The following PDCD4 variants were observed in gnomAD, a reference collection of about 807,000 sequenced individuals.
The protein encoded by PDCD4 is programmed cell death protein 4.
A neutral mutation model predicts 54.0 loss-of-function variants in PDCD4; 56 were observed. The ratio of observed to expected loss-of-function variants is 1.04; its 90% CI spans 0.84 to 1.30. The LOEUF (loss-of-function observed/expected upper bound fraction) is 1.30, where lower values mean the gene tolerates loss of function less well. PDCD4 is among the 50% of genes most tolerant of loss of function. The probability of loss-of-function intolerance (pLI) is 0.00; values close to 1 mark genes in which losing one functional copy is unlikely to be tolerated. For missense variants in PDCD4, 584 were observed against 559.8 expected, an observed-to-expected ratio of 1.04 and a Z score of -0.44; for synonymous variants, 186 against 194.8, an observed-to-expected ratio of 0.95 and a Z score of 0.37.
At chr10:110,874,717 T>C (rs1375110236) in intron 1 of PDCD4, among the ~76,000 whole-genome samples, 1 of 152,134 alleles carries the variant, frequency 6.6e-6, no homozygotes, top group African/African-American at 2.4e-5. Flanking sequence ...TAAGGTCCAT[T>C]TGTTTTTGTT....
Position 110,894,411 on chromosome 10 carries a change from G to A in PDCD4, c.1099-1G>A. 6.9e-7 allele frequency: 1 copy of A among 1,441,568 alleles called. No individual in the cohort carries two copies. The highest frequency in any genetic ancestry group is 9.7e-7 in the Non-Finnish European group (1 of 1,029,262). 89.3% of individuals were successfully genotyped at this position (1,441,568 alleles called of 1,614,324 possible). ...AATTCACTCATTGATTCAATTTTTA[G>A]GCTATTATAATGGTTTTAGAGTCAA... On this transcript the variant is annotated splice_acceptor_variant, in intron 9 of 11. Coordinates refer to ENST00000280154, the MANE Select transcript of PDCD4 (RefSeq NM_014456.5). LOFTEE classifies it high-confidence loss of function.
chr10:110,887,462 C>A (rs1845685352), intron 5 of PDCD4, among the ~76,000 whole-genome samples: 1 of 152,132 alleles, frequency 6.6e-6, no homozygotes, highest in South Asian at 2.1e-4. Context: ...TAAAGCTTGA[C>A]AAAGTGGATC....
chr10:110,884,657 T>A (rs940905830), intron 4 of PDCD4: 1 of 152,072 alleles, frequency 6.6e-6, no homozygotes, highest in Non-Finnish European at 1.5e-5. Flanking sequence ...GACATAAAAA[T>A]TTTGAGAGAA....
intron 1 of PDCD4, among the ~76,000 whole-genome samples, chr10:110,872,414 C>T (rs905354530): frequency 2.0e-5 from 3 of 152,124 alleles, no homozygotes; most frequent in Non-Finnish European, 2.9e-5. Context: ...GGCGTGTTTC[C>T]GGCTGGACTG....
intron 2 of PDCD4, among the ~76,000 whole-genome samples, chr10:110,878,143 G>C (rs147793899): frequency 1.3e-5 from 2 of 152,076 alleles, no homozygotes; most frequent in African/African-American, 2.4e-5. Context: ...TTTAATTTTG[G>C]TTTTCTTAAA....
intron 1 of PDCD4, chr10:110,872,305 T>TC (rs2135180511): frequency 6.6e-6 from 1 of 152,336 alleles, no homozygotes; most frequent in East Asian, 1.9e-4. Flanking sequence ...CGGAGCCATC[T>TC]CCCCACTGAG....
In PDCD4 at chr10:110,896,037, T is replaced by G; in HGVS notation, c.1299T>G (p.Cys433Trp). Residue 433 changes from cysteine (C) to tryptophan (W), a missense_variant, in exon 11 of 12, where the codon TGT (cysteine) becomes TGG (tryptophan). Physicochemically the swap from Cys to Trp is radical, Grantham distance 215 (BLOSUM62 -2). Transcript: ENST00000280154. Reference protein sequence around the residue: ...YSVLERFVEECFQAGIISKQL... With the variant: ...YSVLERFVEEWFQAGIISKQL... ...TGCTGGAGCGGTTTGTAGAAGAATG[T>G]TTTCAGGCTGGAATAATTTCCAAAC... 1 of 1,611,436 alleles carries G rather than the reference T, an allele frequency of 6.2e-7. No individual in the cohort carries two copies. The highest frequency in any genetic ancestry group is 8.5e-7 in the Non-Finnish European group (1 of 1,178,266).
chr10:110,878,284 C>T (rs1352153005), intron 2 of PDCD4, among the ~76,000 whole-genome samples: 1 of 152,180 alleles, frequency 6.6e-6, no homozygotes, highest in African/African-American at 2.4e-5. Context: ...AGAATGTTTA[C>T]TGCTGCAGAG....
chr10:110,893,056 G>GT (rs1845779244), intron 8 of PDCD4, among the ~76,000 whole-genome samples: 1 of 152,046 alleles, frequency 6.6e-6, no homozygotes, highest in African/African-American at 2.4e-5. Flanking sequence ...GCACTGGTGT[G>GT]TAGTAGGCTA....
At chr10:110,885,046 T>C in intron 4 of PDCD4, 1 of 377,816 alleles carries the variant, frequency 2.6e-6, no homozygotes, top group Non-Finnish European at 4.7e-6. Flanking sequence ...ACCTCCCGCC[T>C]TTGCCTCCCA....
intron 6 of PDCD4, 44 bp downstream of exon 6, chr10:110,887,930 A>G: frequency 7.8e-7 from 1 of 1,285,796 alleles, no homozygotes; most frequent in Non-Finnish European, 1.1e-6. Context: ...CCACTACTAT[A>G]TTCCTAATTG....
At chr10:110,876,166 A>C (rs1845501286) in intron 2 of PDCD4, 96 bp downstream of exon 2, 2 of 943,484 alleles carry the variant, frequency 2.1e-6, no homozygotes, top group Non-Finnish European at 3.1e-6. Flanking sequence ...ATCATGGCTC[A>C]CTGCAGTTTT....
intron 10 of PDCD4, 77 bp downstream of exon 10, chr10:110,894,599 C>T: frequency 1.5e-6 from 1 of 675,332 alleles, no homozygotes; most frequent in South Asian, 2.0e-5. Flanking sequence ...TATGAATTGT[C>T]AGTGAAATTT....
chr10:110,875,111 T>TG (rs1845481185), intron 1 of PDCD4, among the ~76,000 whole-genome samples: 1 of 152,170 alleles, frequency 6.6e-6, no homozygotes, highest in African/African-American at 2.4e-5. Flanking sequence ...TTGCACTTTC[T>TG]GGTAATATAT....
At chr10:110,887,925 A>G (rs774885060) in intron 6 of PDCD4, 39 bp downstream of exon 6, 6 of 1,313,346 alleles carry the variant, frequency 4.6e-6, no homozygotes, top group South Asian at 2.4e-5. Flanking sequence ...CCCTCCCACT[A>G]CTATATTCCT....
chr10:110,883,300 GATT>G (rs528076583), intron 4 of PDCD4, among the ~76,000 whole-genome samples: 126 of 152,028 alleles, frequency 8.3e-4, no homozygotes, highest in Non-Finnish European at 1.7e-3. Flanking sequence ...ATTCACTTAG[GATT>G]ATTAAGTTGT....
chr10:110,897,948 C>A, intron 11 of PDCD4, 80 bp from the exon 12 acceptor site: 3 of 978,380 alleles, frequency 3.1e-6, no homozygotes, highest in Non-Finnish European at 4.4e-6. Flanking sequence ...CGAAAAAATA[C>A]CAAGTTTTTA....
chr10:110,875,632 A>G (rs1185070608), intron 1 of PDCD4, among the ~76,000 whole-genome samples: 3 of 152,202 alleles, frequency 2.0e-5, no homozygotes, highest in Non-Finnish European at 4.4e-5. Context: ...GAGGCTTGGT[A>G]TTCCTAAAAG....
rs1044402783 is a variant in PDCD4, at chr10:110,896,014, C to G, written c.1276C>G (p.Leu426Val). 21 of 1,609,442 alleles carry G rather than the reference C, an allele frequency of 1.3e-5. No individual in the cohort carries two copies. The highest frequency in any genetic ancestry group is 1.7e-5 in the Non-Finnish European group (20 of 1,176,294). Residue 426 changes from leucine to valine, a missense_variant, in exon 11 of 12, where the codon CTG becomes GTG. Transcript: ENST00000280154. ...NLDVPHSYSV[L>V]ERFVEECFQA... ...GGATGTCCCACATTCATACTCTGTG[C>G]TGGAGCGGTTTGTAGAAGAATGTTT...
Sources: gnomAD v4.1 joint callset for allele counts (sites outside exome capture counted in the v4.1 genomes callset) on GRCh38, gnomAD v4.1.1 for gene constraint, MANE v1.5 for transcripts, NCBI Gene and HGNC (gene_info 2026-07-23, HGNC 2026-07-21) for gene names.